The following PCDHGA3 variants were observed in gnomAD, a reference collection of about 807,000 sequenced individuals.
The protein encoded by PCDHGA3 is protocadherin gamma subfamily A, 3, also known as protocadherin gamma-A3.
PCDHGA3 carries 40 observed loss-of-function variants against 58.5 expected under a neutral mutation model. That is an observed-to-expected ratio of 0.68 (90% CI 0.53 to 0.89). The LOEUF (loss-of-function observed/expected upper bound fraction) is 0.89. PCDHGA3 is among the 40% of genes least tolerant of loss of function. PCDHGA3 has a pLI of 0.00. For missense variants in PCDHGA3, 1,223 were observed against 1,195.9 expected (o/e 1.02, Z -0.33); for synonymous variants, 530 against 525.7 (o/e 1.01, Z -0.11).
rs542816387 is a variant in PCDHGA3, at chr5:141,394,624, T to G, written c.2424+48167T>G. ...AGAGACTCGGGCCAGAACGCCTGGC[T>G]GTCCTACCGCCTGCTCAAGGCCAGC... On this transcript the variant is annotated intron_variant, in intron 1 of 3. Transcript: ENST00000253812. 2.5e-6 allele frequency: 4 copies of G among 1,613,110 alleles called. No individual in the cohort carries two copies. The South Asian group carries it at 3.3e-5, about 13-fold the overall frequency.
intron 1 of PCDHGA3, among the ~76,000 whole-genome samples, chr5:141,400,896 A>G (rs193291751): frequency 2.6e-5 from 4 of 152,214 alleles, no homozygotes; most frequent in Admixed American, 2.6e-4. Context: ...TAATCATTTA[A>G]TTCATCTTTT....
At chr5:141,408,956 A>G in intron 1 of PCDHGA3, 1 of 1,613,714 alleles carries the variant, frequency 6.2e-7, no homozygotes, top group Non-Finnish European at 8.5e-7. Flanking sequence ...AATTAGTCTT[A>G]GTGAAAATCT....
At chr5:141,502,441 GAT>G (rs2099814262) in intron 2 of PCDHGA3, among the ~76,000 whole-genome samples, 1 of 152,000 alleles carries the variant, frequency 6.6e-6, no homozygotes, top group Non-Finnish European at 1.5e-5. Flanking sequence ...GTTAGATTCA[GAT>G]TACACACCTT....
chr5:141,346,396 G>A lies in PCDHGA3; in HGVS notation c.2363G>A (p.Ser788Asn), dbSNP rs201078369. Reference protein sequence around the residue: ...TLISQESCEKSEPLLITQDLL... With the variant: ...TLISQESCEKNEPLLITQDLL... Reference sequence around the variant, plus strand: ...ATCAGCCAGGAGAGCTGTGAGAAAAGCGAGCCTCTTCTGATAACTCAGGAT... The same window carrying A: ...ATCAGCCAGGAGAGCTGTGAGAAAAACGAGCCTCTTCTGATAACTCAGGAT... Residue 788 changes from serine to asparagine, a missense_variant, in exon 1 of 4, where the codon AGC becomes AAC. This residue lies in a region of PCDHGA3 where 325 missense variants were observed against 327.5 expected (regional missense o/e 0.99). Coordinates refer to ENST00000253812, the MANE Select transcript of PCDHGA3 (RefSeq NM_018916.4). 1 of 1,614,262 alleles carries A rather than the reference G, an allele frequency of 6.2e-7. No homozygotes were observed. Among genetic ancestry groups the A allele is most frequent in the Admixed American group, 1.7e-5 (1 of 60,032 alleles).
chr5:141,352,273 C>T, intron 1 of PCDHGA3: 2 of 1,614,082 alleles, frequency 1.2e-6, no homozygotes, highest in Non-Finnish European at 1.7e-6. Flanking sequence ...TGCCAGACCT[C>T]AGCGACCGCC....
At chr5:141,372,314 G>T (rs369724462) in intron 1 of PCDHGA3, 1 of 1,613,578 alleles carries the variant, frequency 6.2e-7, no homozygotes, top group East Asian at 2.2e-5. Context: ...CCGCCCGCCA[G>T]CGCCTGCTGG....
At chr5:141,501,238 G>A (rs1482962385) in intron 2 of PCDHGA3, among the ~76,000 whole-genome samples, 2 of 151,018 alleles carry the variant, frequency 1.3e-5, no homozygotes, top group African/African-American at 4.9e-5. Flanking sequence ...AGTTTTTTGA[G>A]CATGATGTAG....
At chr5:141,419,674 C>A (rs372932653) in intron 1 of PCDHGA3, 1 of 1,612,938 alleles carries the variant, frequency 6.2e-7, no homozygotes, top group Non-Finnish European at 8.5e-7. Flanking sequence ...CCTGGCTGTC[C>A]TACCACGTGG....
Position 141,511,378 on chromosome 5 carries a change from T to C in PCDHGA3, c.*205T>C. 1 of 1,202,114 alleles carries C rather than the reference T, an allele frequency of 8.3e-7. No homozygotes were observed. The highest frequency in any genetic ancestry group is 1.1e-6 in the Non-Finnish European group (1 of 882,194). The allele number at this position is 1,202,114 out of a possible 1,614,324, so 74.5% of individuals were successfully genotyped here. A position where few individuals can be genotyped will look rare whatever the true frequency, so the allele number is the denominator to read the frequency against. On this transcript the variant is annotated 3_prime_UTR_variant, in exon 4 of 4. Coordinates refer to ENST00000253812, the MANE Select transcript of PCDHGA3 (RefSeq NM_018916.4). ...AGGGGGTTGAATATGCAAAAGCAGT[T>C]CCGCTGGGAACCCCCATCCAATCAA...
At chr5:141,509,631 C>A (rs1250891268) in intron 3 of PCDHGA3, among the ~76,000 whole-genome samples, 1 of 152,200 alleles carries the variant, frequency 6.6e-6, no homozygotes, top group East Asian at 1.9e-4. Flanking sequence ...CTGGGTGATG[C>A]TGAGCCAGGG....
Position 141,500,251 on chromosome 5 carries a change from C to T in PCDHGA3, c.2484-5142C>T, listed in dbSNP as rs187199142. Among the ~76,000 whole-genome samples, 1,493 of 151,438 alleles carry T rather than the reference C, an allele frequency of 9.9e-3. 32 individuals are homozygous for T. Among genetic ancestry groups the T allele is most frequent in the African/African-American group, 0.035 (1,426 of 41,214 alleles). Reference sequence around the variant, plus strand: ...TGATACGTAGCCTTGCTCTGTCACCCAGGCTGGACTGCAGTGGCGCAATCT... The same window carrying T: ...TGATACGTAGCCTTGCTCTGTCACCTAGGCTGGACTGCAGTGGCGCAATCT... On this transcript the variant is annotated intron_variant, in intron 2 of 3. Coordinates refer to ENST00000253812, the MANE Select transcript of PCDHGA3 (RefSeq NM_018916.4).
intron 1 of PCDHGA3, chr5:141,372,113 G>T (rs1466708600): frequency 1.9e-6 from 3 of 1,613,786 alleles, no homozygotes; most frequent in Non-Finnish European, 2.5e-6. Flanking sequence ...AAGGCTCTGC[G>T]CTCTTCGATA....
At chr5:141,369,295 G>T (rs556803561) in intron 1 of PCDHGA3, among the ~76,000 whole-genome samples, 1 of 152,082 alleles carries the variant, frequency 6.6e-6, no homozygotes, top group African/African-American at 2.4e-5. Flanking sequence ...TCCTAATAAC[G>T]CATCATTGTT....
chr5:141,352,099 C>A, intron 1 of PCDHGA3: 1 of 1,605,968 alleles, frequency 6.2e-7, no homozygotes, highest in South Asian at 1.1e-5. Flanking sequence ...CCGGGCTCTT[C>A]AGCCTGGGGT....
intron 1 of PCDHGA3, chr5:141,375,434 A>G (rs1423365367): frequency 1.9e-6 from 3 of 1,613,800 alleles, no homozygotes; most frequent in Non-Finnish European, 2.5e-6. Flanking sequence ...CAACCCGCCC[A>G]CCTTCCCCCA....
At chr5:141,418,077 T>G (rs770464447) in intron 1 of PCDHGA3, 4 of 1,613,914 alleles carry the variant, frequency 2.5e-6, no homozygotes, top group African/African-American at 1.3e-5. Context: ...GCGGAGAAGC[T>G]GCACTTCAGC....
chr5:141,360,850 C>T (rs762068366), intron 1 of PCDHGA3: 4 of 1,613,866 alleles, frequency 2.5e-6, no homozygotes, highest in East Asian at 2.2e-5. Context: ...CAACGATAAC[C>T]CTCCAGTGTT....
At position 141,431,782 on chromosome 5, in the gene PCDHGA3, C is replaced by A. The variant is rs767269112; in HGVS notation, c.2425-63025C>A. The A allele has an allele frequency of 6.2e-7, 1 of 1,614,082 alleles. No homozygotes were observed. On this transcript the variant is annotated intron_variant, in intron 1 of 3. Transcript: ENST00000253812. This position sits in a 1 kb window ranked among gnomAD's most constrained non-coding sequence, Gnocchi z 4.8. Reference sequence around the variant, plus strand: ...TCCTGATCACTGTTCTGGACGTGAACGACAATGCCCCAGAAGTGGTCCTCA... The same window carrying A: ...TCCTGATCACTGTTCTGGACGTGAAAGACAATGCCCCAGAAGTGGTCCTCA...
At chr5:141,444,152 ATTTTTTTTTTTTTTTTTTT>A (rs747671382) in intron 1 of PCDHGA3, among the ~76,000 whole-genome samples, 14 of 33,898 alleles carry the variant, frequency 4.1e-4, no homozygotes, top group South Asian at 3.1e-3. Flanking sequence ...TGTGTACTGG[ATTTTTTTTTTTTTTTTTTT>A]TTTTTTTTTT....
Sources: gnomAD v4.1 joint callset for allele counts (sites outside exome capture counted in the v4.1 genomes callset) on GRCh38, gnomAD v4.1.1 for gene constraint, gnomAD v4.1.1 regional missense constraint, Gnocchi (gnomAD v3.1) non-coding constraint, MANE v1.5 for transcripts, NCBI Gene and HGNC (gene_info 2026-07-23, HGNC 2026-07-21) for gene names.